Variants in PKNOX2 observed in about 807,000 individuals in gnomAD.
PKNOX2 encodes the protein homeobox protein PKNOX2.
Under a neutral mutation model 53.1 loss-of-function variants are expected in PKNOX2, and 14 were observed. That is an observed-to-expected ratio of 0.26 (90% confidence interval 0.17 to 0.41). The LOEUF (loss-of-function observed/expected upper bound fraction) is 0.41. Among genes scored for constraint, PKNOX2 ranks in the 10% least tolerant of loss-of-function variants. PKNOX2 has a pLI of 1.00. For synonymous variants in PKNOX2, 257 were observed against 242.8 expected, an observed-to-expected ratio of 1.06 and a Z score of -0.54; for missense variants, 496 against 602.8, an observed-to-expected ratio of 0.82 and a Z score of 1.85.
intron 1 of PKNOX2, among the ~76,000 whole-genome samples, chr11:125,173,099 C>T (rs138353063): frequency 3.3e-5 from 5 of 152,254 alleles, no homozygotes; most frequent in East Asian, 1.9e-4. Context: ...TCTGAGCCTC[C>T]GTTTTCTTGG....
intron 3 of PKNOX2, among the ~76,000 whole-genome samples, chr11:125,347,170 G>T (rs1951025639): frequency 1.3e-5 from 2 of 152,072 alleles, no homozygotes; most frequent in Non-Finnish European, 2.9e-5. Context: ...CTCCAGTTTG[G>T]GGCAGGTGGG....
At chr11:125,362,107 A>G (rs1951956356) in intron 4 of PKNOX2, among the ~76,000 whole-genome samples, 1 of 152,030 alleles carries the variant, frequency 6.6e-6, no homozygotes, top group African/African-American at 2.4e-5. Flanking sequence ...GGTGGACTAG[A>G]TGGAGACTTA....
At chr11:125,426,335 G>A (rs1343354333) in intron 10 of PKNOX2, among the ~76,000 whole-genome samples, 1 of 152,174 alleles carries the variant, frequency 6.6e-6, no homozygotes, top group Non-Finnish European at 1.5e-5. Context: ...CACCAGAGGG[G>A]TACTTAGCAC....
rs542509852 is a variant in PKNOX2 at position 125,341,355 on chromosome 11, G to A, written c.-23+9430G>A. Reference sequence around the variant, plus strand: ...CAGCTTGGTGACAGAGCAAGATTCCGTCTCAAAAAAAAAAAAAGGAAAGAA... The same window carrying A: ...CAGCTTGGTGACAGAGCAAGATTCCATCTCAAAAAAAAAAAAAGGAAAGAA... On this transcript the variant is annotated intron_variant, in intron 3 of 12. Transcript: ENST00000298282. Among the ~76,000 whole-genome samples, 254 of 147,846 alleles carry A rather than the reference G, an allele frequency of 1.7e-3. 2 individuals are homozygous for A. The highest frequency in any genetic ancestry group is 2.2e-3 in the African/African-American group (87 of 40,032).
At chr11:125,417,758 C>T (rs1051323203) in intron 10 of PKNOX2, among the ~76,000 whole-genome samples, 2 of 152,010 alleles carry the variant, frequency 1.3e-5, no homozygotes, top group African/African-American at 4.8e-5. Context: ...TTTACATGTC[C>T]AGTCCCGGTC....
At position 125,274,063 on chromosome 11, in the gene PKNOX2, A is replaced by G. The variant is rs559168195; in HGVS notation, c.-130+38948A>G. On this transcript the variant is annotated intron_variant, in intron 2 of 12. Transcript: ENST00000298282. ...TGGAACCACAGGTTAGAGTTGGAGG[A>G]CCTCATATTTATTACTTAGTGTGTA... Among the ~76,000 whole-genome samples, 348 of 152,240 alleles carry G rather than the reference A, an allele frequency of 2.3e-3. 1 individual carries two copies. Among genetic ancestry groups the G allele is most frequent in the South Asian group, 9.1e-3 (44 of 4,828 alleles).
chr11:125,296,579 T>G (rs1158823322), intron 2 of PKNOX2, among the ~76,000 whole-genome samples: 3 of 152,246 alleles, frequency 2.0e-5, no homozygotes, highest in Non-Finnish European at 2.9e-5. Context: ...TAATTCTGGC[T>G]TATTTTTCTC....
chr11:125,189,419 G>GTATATATATATGTGTGTATATATA (rs1277612431), intron 1 of PKNOX2, among the ~76,000 whole-genome samples: 464 of 39,962 alleles, frequency 0.012, 20 homozygotes, highest in East Asian at 0.041. Context: ...ATATATGTGT[G>GTATATATATATGTGTGTATATATA]TGTGTGTGTG....
chr11:125,336,672 T>G (rs929999299), intron 3 of PKNOX2, among the ~76,000 whole-genome samples: 2 of 147,736 alleles, frequency 1.4e-5, no homozygotes, highest in Non-Finnish European at 3.0e-5. Context: ...TAATATGTAA[T>G]GTATACTCTG....
At chr11:125,206,408 G>A (rs615112) in intron 1 of PKNOX2, among the ~76,000 whole-genome samples, 2 of 151,760 alleles carry the variant, frequency 1.3e-5, no homozygotes, top group Non-Finnish European at 2.9e-5. Flanking sequence ...ATGAACCAGC[G>A]TGGTGTGTGT....
At chr11:125,292,581 C>T (rs1484088989) in intron 2 of PKNOX2, among the ~76,000 whole-genome samples, 1 of 152,200 alleles carries the variant, frequency 6.6e-6, no homozygotes, top group Non-Finnish European at 1.5e-5. Flanking sequence ...GTATCCTTGG[C>T]TCTTGCTACA....
intron 5 of PKNOX2, 66 bp downstream of exon 5, chr11:125,368,051 A>T: frequency 6.4e-7 from 1 of 1,550,918 alleles, no homozygotes; most frequent in South Asian, 1.2e-5. Context: ...GCTGTGAGGG[A>T]TGAGAATGCA....
At position 125,423,210 on chromosome 11, in the gene PKNOX2, G is replaced by A. The variant is rs372275992; in HGVS notation, c.937-5802G>A. Reference sequence around the variant, plus strand: ...AGTAATTTGCCCAAGGTCTCACGCCGGTTAGAGACAAGACAAGGATTCAAA... The same window carrying A: ...AGTAATTTGCCCAAGGTCTCACGCCAGTTAGAGACAAGACAAGGATTCAAA... On this transcript the variant is annotated intron_variant, in intron 10 of 12. Transcript: ENST00000298282. Among the ~76,000 whole-genome samples, 8 of 152,088 alleles carry A rather than the reference G, an allele frequency of 5.3e-5. No individual in the cohort carries two copies. In the South Asian group the frequency reaches 6.2e-4, roughly 12 times the overall value.
rs113220413 is a variant in PKNOX2 at position 125,342,492 on chromosome 11, G to A, written c.-22-8792G>A. ...CCTCAGAGAAGAGAGACTTATGAAA[G>A]GGTGGGAGCCCGAGAGGGCTGCCGG... On this transcript the variant is annotated intron_variant, in intron 3 of 12. Transcript: ENST00000298282. Among the ~76,000 whole-genome samples, 1,179 of 152,288 alleles carry A rather than the reference G, an allele frequency of 7.7e-3. 17 individuals carry two copies. The highest frequency in any genetic ancestry group is 0.027 in the African/African-American group (1,102 of 41,562).
chr11:125,206,797 T>G (rs1016318416), intron 1 of PKNOX2, among the ~76,000 whole-genome samples: 2 of 152,012 alleles, frequency 1.3e-5, no homozygotes, highest in Non-Finnish European at 2.9e-5. Flanking sequence ...GCAGCCAGCA[T>G]TAGCATGAAG....
At chr11:125,277,972 T>C (rs1485221297) in intron 2 of PKNOX2, among the ~76,000 whole-genome samples, 1 of 151,964 alleles carries the variant, frequency 6.6e-6, no homozygotes, top group Non-Finnish European at 1.5e-5. Flanking sequence ...ATCACAACAC[T>C]TTGGGAGGCT....
At chr11:125,345,624 G>A (rs999271368) in intron 3 of PKNOX2, among the ~76,000 whole-genome samples, 1 of 152,126 alleles carries the variant, frequency 6.6e-6, no homozygotes, top group Non-Finnish European at 1.5e-5. Flanking sequence ...TCAGTGACAG[G>A]TTGACACCGT....
intron 2 of PKNOX2, among the ~76,000 whole-genome samples, chr11:125,238,243 TA>T (rs1942883628): frequency 1.3e-5 from 2 of 152,176 alleles, no homozygotes; most frequent in Non-Finnish European, 2.9e-5. Flanking sequence ...TGAGAATGGC[TA>T]ACACCAAAGG....
intron 3 of PKNOX2, among the ~76,000 whole-genome samples, chr11:125,348,512 T>C (rs1951115933): frequency 6.6e-6 from 1 of 152,220 alleles, no homozygotes; most frequent in Non-Finnish European, 1.5e-5. Flanking sequence ...ATTGTTCCTG[T>C]GTCTTCTTTC....
Sources: gnomAD v4.1 joint callset for allele counts (sites outside exome capture counted in the v4.1 genomes callset) on GRCh38, gnomAD v4.1.1 for gene constraint, MANE v1.5 for transcripts, NCBI Gene and HGNC (gene_info 2026-07-23, HGNC 2026-07-21) for gene names.